The following FFAR4 variants were observed in gnomAD, a reference collection of about 807,000 sequenced individuals.
The protein encoded by FFAR4 is G-protein coupled receptor 120.
In FFAR4, 19 loss-of-function variants were observed where a neutral mutation model predicts 27.0. The ratio of observed to expected loss-of-function variants is 0.70; its 90% CI spans 0.49 to 1.03. The LOEUF (loss-of-function observed/expected upper bound fraction) is 1.03. FFAR4 is among the 50% of genes least tolerant of loss of function. FFAR4 has a pLI of 0.00. For synonymous variants in FFAR4, 254 were observed against 215.6 expected, an observed-to-expected ratio of 1.18 and a Z score of -1.56; for missense variants, 476 against 479.0, an observed-to-expected ratio of 0.99 and a Z score of 0.06.
intron 2 of FFAR4, among the ~76,000 whole-genome samples, chr10:93,578,961 CT>C (rs915530350): frequency 5.2e-4 from 79 of 152,312 alleles, no homozygotes; most frequent in African/African-American, 1.9e-3. Context: ...CCTCACGCTT[CT>C]CAGCTGCCTG....
chr10:93,586,225 C>T (rs35802546), intron 2 of FFAR4, among the ~76,000 whole-genome samples: 25,557 of 152,080 alleles, frequency 0.17, 2,284 homozygotes, highest in South Asian at 0.34. Flanking sequence ...AGGCTACTCT[C>T]GTAATAGTAA....
rs1037116630 is a variant in FFAR4, at chr10:93,588,664, G to A, written c.*1055G>A. The A allele has an allele frequency of 4.6e-5, 7 of 152,168 alleles. No homozygotes were observed. The highest frequency in any genetic ancestry group is 1.7e-4 in the African/African-American group (7 of 41,430). 9.4% of individuals were successfully genotyped at this position (152,168 alleles called of 1,614,324 possible). ...TCAGGGGCAGAAAAACTAAATAAAAGTCAATAAACTATATCTATATACAGA... is the reference window on the plus strand; with the variant it reads ...TCAGGGGCAGAAAAACTAAATAAAAATCAATAAACTATATCTATATACAGA... On this transcript the variant is annotated 3_prime_UTR_variant, in exon 3 of 3. Coordinates refer to ENST00000371481, the MANE Select transcript of FFAR4 (RefSeq NM_001195755.2).
intron 1 of FFAR4, among the ~76,000 whole-genome samples, chr10:93,571,119 C>A (rs1381345180): frequency 6.6e-6 from 1 of 152,160 alleles, no homozygotes; most frequent in Non-Finnish European, 1.5e-5. Flanking sequence ...TAACAGACTG[C>A]CATTTTAAGA....
chr10:93,572,737 G>A (rs2058139313), intron 1 of FFAR4, among the ~76,000 whole-genome samples: 1 of 152,178 alleles, frequency 6.6e-6, no homozygotes, highest in Non-Finnish European at 1.5e-5. Context: ...ACCATTTGAG[G>A]ATGGGACCTT....
intron 2 of FFAR4, among the ~76,000 whole-genome samples, chr10:93,580,950 A>C (rs1158175077): frequency 4.6e-5 from 7 of 152,244 alleles, no homozygotes; most frequent in African/African-American, 1.4e-4. Flanking sequence ...CCTTCGGATC[A>C]GGCTGTCACC....
At chr10:93,585,403 T>C (rs1204381199) in intron 2 of FFAR4, among the ~76,000 whole-genome samples, 3 of 152,226 alleles carry the variant, frequency 2.0e-5, no homozygotes. Flanking sequence ...TTTCCACAAA[T>C]ATCACCAGCA....
intron 2 of FFAR4, among the ~76,000 whole-genome samples, chr10:93,576,983 G>A (rs1007817343): frequency 3.1e-4 from 47 of 152,174 alleles, no homozygotes; most frequent in African/African-American, 1.1e-3. Context: ...ATTACCAGAA[G>A]TCCCTCCTAT....
chr10:93,570,116 ATCTTC>A (rs1363127869), intron 1 of FFAR4, among the ~76,000 whole-genome samples: 5 of 151,280 alleles, frequency 3.3e-5, no homozygotes, highest in East Asian at 1.9e-4. Context: ...CTGGCTCTCC[ATCTTC>A]TTTGTCTTCT....
At position 93,588,105 on chromosome 10, in the gene FFAR4, A is replaced by G. The variant is rs1008042823; in HGVS notation, c.*496A>G. 6.6e-6 allele frequency: 1 copy of G among 152,496 alleles called. No homozygotes were observed. Among genetic ancestry groups the G allele is most frequent in the Non-Finnish European group, 1.5e-5 (1 of 68,426 alleles). 9.4% of individuals were successfully genotyped at this position (152,496 alleles called of 1,614,324 possible). ...AAACTCCATCTTAAAAAAAAAAAAA[A>G]AAAGATTTGTTATGGGTTCCTTTTA... On this transcript the variant is annotated 3_prime_UTR_variant, in exon 3 of 3. Transcript: ENST00000371481.
At chr10:93,580,329 C>T (rs1005078041) in intron 2 of FFAR4, among the ~76,000 whole-genome samples, 1 of 152,240 alleles carries the variant, frequency 6.6e-6, no homozygotes, top group Admixed American at 6.5e-5. Flanking sequence ...TACAGCACCA[C>T]CAGTCCCACT....
chr10:93,586,994 C>T (rs2058231040), intron 2 of FFAR4, among the ~76,000 whole-genome samples: 1 of 152,098 alleles, frequency 6.6e-6, no homozygotes, highest in Non-Finnish European at 1.5e-5. Flanking sequence ...TTTTCACTTC[C>T]CCTCATAACG....
chr10:93,587,314 G>T lies in FFAR4; in HGVS notation c.791G>T (p.Arg264Leu). 3 of 1,614,048 alleles carry T rather than the reference G, an allele frequency of 1.9e-6. No individual in the cohort carries two copies. The highest frequency in any genetic ancestry group is 1.1e-5 in the South Asian group (1 of 91,082). ...RVSQQDFRLF[R>L]TLFLLMVSFF... ...TCCCAGCAGGACTTCCGGCTCTTCC[G>T]CACCCTCTTCCTCCTCATGGTCTCC... The change falls in exon 3 of 3, where the codon CGC (arginine) becomes CTC (leucine). Residue 264 changes from arginine (R) to leucine (L), a missense_variant. Physicochemically the swap from Arg to Leu is moderately radical, Grantham distance 102 (BLOSUM62 -2). Transcript: ENST00000371481.
chr10:93,574,351 G>C (rs1006396110), intron 1 of FFAR4, among the ~76,000 whole-genome samples: 2 of 152,166 alleles, frequency 1.3e-5, no homozygotes, highest in Admixed American at 1.3e-4. Context: ...TGTGTCCTCT[G>C]TTTTTCTACT....
intron 2 of FFAR4, among the ~76,000 whole-genome samples, chr10:93,580,995 A>C (rs2058194160): frequency 6.6e-6 from 1 of 152,212 alleles, no homozygotes; most frequent in African/African-American, 2.4e-5. Flanking sequence ...ATCGCCCAGC[A>C]ACTGTTGCCA....
chr10:93,583,273 G>A (rs186296955), intron 2 of FFAR4, among the ~76,000 whole-genome samples: 6 of 150,200 alleles, frequency 4.0e-5, no homozygotes, highest in South Asian at 2.1e-4. Flanking sequence ...AAAATTAGCC[G>A]GGCGTGATGG....
intron 2 of FFAR4, chr10:93,579,121 C>A (rs368006474): frequency 1.9e-6 from 3 of 1,605,890 alleles, no homozygotes; most frequent in African/African-American, 2.7e-5. Flanking sequence ...CACCTTGTGT[C>A]TAAACCCACA....
intron 1 of FFAR4, among the ~76,000 whole-genome samples, chr10:93,572,808 C>G (rs2058139771): frequency 6.6e-6 from 1 of 152,168 alleles, no homozygotes; most frequent in African/African-American, 2.4e-5. Flanking sequence ...TTGGGCAAGT[C>G]TGGGGTTCAG....
chr10:93,575,882 A>G (rs1326280603), intron 1 of FFAR4, among the ~76,000 whole-genome samples: 2 of 152,226 alleles, frequency 1.3e-5, no homozygotes, highest in Non-Finnish European at 2.9e-5. Flanking sequence ...AACAGAAAAC[A>G]TAATCATGGC....
At chr10:93,584,916 C>T (rs1589679847) in intron 2 of FFAR4, among the ~76,000 whole-genome samples, 1 of 152,040 alleles carries the variant, frequency 6.6e-6, no homozygotes, top group Non-Finnish European at 1.5e-5. Context: ...ACCATGTTGC[C>T]AGGGTTGTCT....
Sources: allele counts gnomAD v4.1 joint callset (sites outside exome capture counted in the v4.1 genomes callset), GRCh38; gene constraint gnomAD v4.1.1; transcripts MANE v1.5; gene names NCBI Gene and HGNC (gene_info 2026-07-23, HGNC 2026-07-21).